CNTNAP4: variants seen among roughly 807,000 people sequenced by gnomAD.
The protein encoded by CNTNAP4 is contactin associated protein family member 4.
Under a neutral mutation model 148.4 loss-of-function variants are expected in CNTNAP4, and 98 were observed. The observed-to-expected ratio is 0.66, with a 90% CI of 0.56 to 0.78. The LOEUF (loss-of-function observed/expected upper bound fraction) is 0.78, where lower values mean the gene tolerates loss of function less well. Among genes scored for constraint, CNTNAP4 ranks in the 30% least tolerant of loss-of-function variants. CNTNAP4 has a pLI of 0.00. For missense variants in CNTNAP4, 1,935 were observed against 1,565.6 expected (o/e 1.24, Z -3.98); for synonymous variants, 730 against 565.1 (o/e 1.29, Z -4.14).
intron 3 of CNTNAP4, among the ~76,000 whole-genome samples, chr16:76,422,009 C>G (rs1490643160): frequency 6.6e-6 from 1 of 152,140 alleles, no homozygotes; most frequent in Non-Finnish European, 1.5e-5. Context: ...ACGTGAGTTG[C>G]TCAATTAATA....
intron 2 of CNTNAP4, among the ~76,000 whole-genome samples, chr16:76,317,414 T>G (rs1597171158): frequency 6.6e-6 from 1 of 152,194 alleles, no homozygotes; most frequent in East Asian, 1.9e-4. Context: ...AGACAGAATT[T>G]CAAAAACACT....
At chr16:76,442,908 C>T (rs533398442) in intron 4 of CNTNAP4, among the ~76,000 whole-genome samples, 1 of 152,044 alleles carries the variant, frequency 6.6e-6, no homozygotes, top group Admixed American at 6.5e-5. Context: ...AGTATTCAAA[C>T]CAGCACAGAC....
intron 15 of CNTNAP4, among the ~76,000 whole-genome samples, chr16:76,516,306 T>A (rs1327362223): frequency 6.6e-6 from 1 of 152,240 alleles, no homozygotes; most frequent in Non-Finnish European, 1.5e-5. Context: ...TATTCTGTGG[T>A]GTAGATGCGC....
At chr16:76,543,208 T>G (rs1359317085) in intron 21 of CNTNAP4, among the ~76,000 whole-genome samples, 2 of 152,332 alleles carry the variant, frequency 1.3e-5, no homozygotes, top group East Asian at 3.9e-4. Flanking sequence ...TTATTTGGCA[T>G]ATGTCTAAGG....
rs541540464 is a variant in CNTNAP4, at chr16:76,559,539, A to G, written c.*856A>G. Among the ~76,000 whole-genome samples the G allele has an allele frequency of 2.0e-5, 3 of 152,318 alleles. No individual in the cohort carries two copies. In the South Asian group the frequency reaches 6.2e-4, roughly 32 times the overall value. On this transcript the variant is annotated 3_prime_UTR_variant, in exon 24 of 24. Transcript: ENST00000611870. ...GTTGATATATTAAAAAAAATTCTTA[A>G]CACAGCAAAAAATTATTATTTAATT...
At chr16:76,379,024 T>A (rs915849186) in intron 3 of CNTNAP4, among the ~76,000 whole-genome samples, 2 of 152,154 alleles carry the variant, frequency 1.3e-5, no homozygotes, top group Admixed American at 6.5e-5. Context: ...GAGACTCAGT[T>A]TCCTCATCTG....
intron 15 of CNTNAP4, among the ~76,000 whole-genome samples, chr16:76,499,993 T>C (rs1282408950): frequency 2.6e-5 from 4 of 152,144 alleles, no homozygotes; most frequent in Non-Finnish European, 5.9e-5. Context: ...TGATCTCTCT[T>C]TCTTTTCCCC....
At chr16:76,315,361 A>G (rs1020125215) in intron 1 of CNTNAP4, among the ~76,000 whole-genome samples, 4 of 152,206 alleles carry the variant, frequency 2.6e-5, no homozygotes, top group Admixed American at 1.3e-4. Context: ...GGACCTACGT[A>G]TATCAAAGGG....
At chr16:76,370,408 A>G (rs74856453) in intron 3 of CNTNAP4, among the ~76,000 whole-genome samples, 3,590 of 152,268 alleles carry the variant, frequency 0.024, 131 homozygotes, top group African/African-American at 0.082. Context: ...GAATTATGGA[A>G]GCAGTGGGTA....
rs369284418 is a variant in CNTNAP4, at chr16:76,437,731, T to C, written c.538+10132T>C. ...TAACTTGAACCTCCAGGTAACCAGATAGAAGAGAGGAGTATCTCTTTAATT... is the reference window on the plus strand; with the variant it reads ...TAACTTGAACCTCCAGGTAACCAGACAGAAGAGAGGAGTATCTCTTTAATT... On this transcript the variant is annotated intron_variant, in intron 4 of 23. Coordinates refer to ENST00000611870, the MANE Select transcript of CNTNAP4 (RefSeq NM_033401.5). Among the ~76,000 whole-genome samples the C allele has an allele frequency of 1.2e-4, 19 of 152,212 alleles. No individual in the cohort carries two copies. The East Asian group carries it at 3.7e-3, about 29-fold the overall frequency.
chr16:76,460,445 A>G (rs1375923199), intron 8 of CNTNAP4, among the ~76,000 whole-genome samples: 1 of 151,266 alleles, frequency 6.6e-6, no homozygotes, highest in Non-Finnish European at 1.5e-5. Context: ...ATTTCTGTTC[A>G]GTCCCTTCCC....
chr16:76,522,663 T>C (rs1329443756), intron 17 of CNTNAP4, among the ~76,000 whole-genome samples: 4,314 of 118,222 alleles, frequency 0.036, 481 homozygotes, highest in Middle Eastern at 0.084. Flanking sequence ...TCTTTCTCTC[T>C]TTCCTTCTTT....
rs1959132077 is a variant in CNTNAP4, at chr16:76,291,898, T to C, written c.85+14151T>C. 2.0e-5 allele frequency among the ~76,000 whole-genome samples: 3 copies of C among 152,348 alleles called. No individual in the cohort carries two copies. In the South Asian group the frequency reaches 6.2e-4, roughly 32 times the overall value. ...CAGCATCTGTTCATGCCCAGTGTTT[T>C]CTCATACGCATGCTTTCCCATCCTT... On this transcript the variant is annotated intron_variant, in intron 1 of 23. Coordinates refer to ENST00000611870, the MANE Select transcript of CNTNAP4 (RefSeq NM_033401.5).
At chr16:76,518,746 G>T (rs1455383113) in intron 15 of CNTNAP4, among the ~76,000 whole-genome samples, 1 of 152,070 alleles carries the variant, frequency 6.6e-6, no homozygotes, top group Non-Finnish European at 1.5e-5. Context: ...AAACGACAAT[G>T]TTCTTAACTG....
intron 1 of CNTNAP4, among the ~76,000 whole-genome samples, chr16:76,302,431 G>A (rs555942364): frequency 6.6e-6 from 1 of 152,026 alleles, no homozygotes; most frequent in Admixed American, 6.6e-5. Flanking sequence ...GGCCATTTTC[G>A]GGTCCTAGAG....
intron 1 of CNTNAP4, among the ~76,000 whole-genome samples, chr16:76,283,023 G>T (rs1256571959): frequency 1.3e-5 from 2 of 151,658 alleles, no homozygotes; most frequent in Non-Finnish European, 3.0e-5. Context: ...AAAAAAACTA[G>T]GATAGTCTCA....
chr16:76,398,789 A>G (rs1185379981), intron 3 of CNTNAP4, among the ~76,000 whole-genome samples: 2 of 152,158 alleles, frequency 1.3e-5, no homozygotes, highest in East Asian at 3.8e-4. Context: ...TTTTTAAATA[A>G]TATTGGGTGC....
At chr16:76,479,973 C>G (rs557119095) in intron 12 of CNTNAP4, among the ~76,000 whole-genome samples, 1 of 152,044 alleles carries the variant, frequency 6.6e-6, no homozygotes, top group East Asian at 1.9e-4. Flanking sequence ...TTAAAACACT[C>G]AACAAATTAC....
rs1289953860 is a variant in CNTNAP4, at chr16:76,292,170, A to C, written c.85+14423A>C. 5.3e-5 allele frequency among the ~76,000 whole-genome samples: 8 copies of C among 152,176 alleles called. No homozygotes were observed. In the East Asian group the frequency reaches 1.5e-3, roughly 29 times the overall value. ...TAACCCATTTGCAAATGTCAATGTC[A>C]TGAACTGTTCAATGTCATCCAACTT... On this transcript the variant is annotated intron_variant, in intron 1 of 23. Coordinates refer to ENST00000611870, the MANE Select transcript of CNTNAP4 (RefSeq NM_033401.5).
Sources: allele counts gnomAD v4.1 joint callset (sites outside exome capture counted in the v4.1 genomes callset), GRCh38; gene constraint gnomAD v4.1.1; transcripts MANE v1.5; gene names NCBI Gene and HGNC (gene_info 2026-07-23, HGNC 2026-07-21).